MAP10: variants seen among roughly 807,000 people sequenced by gnomAD.
The protein encoded by MAP10 is microtubule-associated protein 10.
A neutral mutation model predicts 6.3 loss-of-function variants in MAP10; 10 were observed. The observed-to-expected ratio is 1.58, with a 90% CI of 0.98 to 2.69. The LOEUF (loss-of-function observed/expected upper bound fraction) is 2.69. Among genes scored for constraint, MAP10 ranks in the 30% most tolerant of loss-of-function variants. The probability of loss-of-function intolerance (pLI) is 0.00; values close to 1 mark genes in which losing one functional copy is unlikely to be tolerated. For missense variants in MAP10, 1,189 were observed against 1,086.5 expected (o/e 1.09, Z -1.33); for synonymous variants, 459 against 429.3 (o/e 1.07, Z -0.86).
chr1:232,806,291 A>G lies in MAP10; in HGVS notation c.842A>G (p.Asn281Ser), dbSNP rs1165836742. The G allele has an allele frequency of 1.9e-6, 3 of 1,613,988 alleles. No homozygotes were observed. The highest frequency in any genetic ancestry group is 1.7e-5 in the Admixed American group (1 of 60,030). The part of the protein sequence containing the change: ...VTCSGAGNGR[N>S]VSSLNEEVTE... ...TGTTCAGGTGCTGGCAATGGGAGAA[A>G]TGTTAGCTCCCTAAATGAGGAAGTC... Residue 281 changes from asparagine to serine, a missense_variant, in exon 1 of 1, where the codon AAT becomes AGT. Coordinates refer to ENST00000418460, the MANE Select transcript of MAP10 (RefSeq NM_019090.3).
Position 232,809,293 on chromosome 1 carries a change from G to A in MAP10, c.*1126G>A, listed in dbSNP as rs16858236. Among the ~76,000 whole-genome samples, 14,180 of 151,784 alleles carry A rather than the reference G, an allele frequency of 0.093. 1,034 individuals carry two copies. Among genetic ancestry groups the A allele is most frequent in the African/African-American group, 0.2 (8,296 of 41,416 alleles). On this transcript the variant is annotated 3_prime_UTR_variant, in exon 1 of 1. Coordinates refer to ENST00000418460, the MANE Select transcript of MAP10 (RefSeq NM_019090.3). Reference sequence around the variant, plus strand: ...TTTTAGACTTTTTAATATATCTAACGTTTTTGAATGTATGAAGTGAGGTTC... The same window carrying A: ...TTTTAGACTTTTTAATATATCTAACATTTTTGAATGTATGAAGTGAGGTTC...
Position 232,806,393 on chromosome 1 carries a change from C to T in MAP10, c.944C>T (p.Pro315Leu), listed in dbSNP as rs371993579. The T allele has an allele frequency of 7.4e-6, 12 of 1,613,720 alleles. No individual in the cohort carries two copies. In the African/African-American group the frequency reaches 1.3e-4, roughly 18 times the overall value. The change falls in exon 1 of 1, where the codon CCC becomes CTC. Residue 315 changes from proline (P) to leucine (L), a missense_variant. By Grantham distance (98) the Pro-to-Leu change is moderately conservative. Coordinates refer to ENST00000418460, the MANE Select transcript of MAP10 (RefSeq NM_019090.3). ...ACTAACTTGACCCAAGAAAAACCGC[C>T]CCCTGCACAGGCTAAAATCACCATT... The part of the protein sequence containing the change: ...YYTNLTQEKP[P>L]PAQAKITIEP...
chr1:232,807,833 C>T lies in MAP10; in HGVS notation c.2384C>T (p.Ser795Phe), dbSNP rs1391300555. The stretch of plus-strand genomic sequence containing the variant: ...AGTTTGGAGGAAGCATCTAGTATCT[C>T]TGCTAGTGATTTATCTTCAACACAT... ...DKSLEEASSI[S>F]ASDLSSTHWT... Residue 795 changes from serine (S) to phenylalanine (F), a missense_variant, in exon 1 of 1, where the codon TCT (serine) becomes TTT (phenylalanine). Transcript: ENST00000418460. The T allele has an allele frequency of 1.9e-6, 3 of 1,613,456 alleles. No homozygotes were observed. The highest frequency in any genetic ancestry group is 2.5e-6 in the Non-Finnish European group (3 of 1,179,658).
In MAP10 at chr1:232,808,370, ATTGT is replaced by A. The variant is rs1035699089; in HGVS notation, c.*206_*209del. The A allele has an allele frequency of 4.6e-6, 2 of 432,416 alleles. No individual in the cohort carries two copies. Among genetic ancestry groups the A allele is most frequent in the Non-Finnish European group, 8.4e-6 (2 of 237,320 alleles). The allele number at this position is 432,416 out of a possible 1,614,324, so 26.8% of individuals were successfully genotyped here. A position where few individuals can be genotyped will look rare whatever the true frequency, so the allele number is the denominator to read the frequency against. On this transcript the variant is annotated 3_prime_UTR_variant, in exon 1 of 1. Coordinates refer to ENST00000418460, the MANE Select transcript of MAP10 (RefSeq NM_019090.3). Reference sequence around the variant, plus strand: ...ATCATATAAACAGATTTCTTTTTAAATTGTTTAATCATAAGAATAAAAGTGTGTC... The same window carrying A: ...ATCATATAAACAGATTTCTTTTTAAATTAATCATAAGAATAAAAGTGTGTC...
rs1373897239 is a variant in MAP10, at chr1:232,807,583, G to C, written c.2134G>C (p.Asp712His). Residue 712 changes from aspartate to histidine, a missense_variant, in exon 1 of 1, where the codon GAT (aspartate) becomes CAT (histidine). By Grantham distance (81) the Asp-to-His change is moderately conservative. Transcript: ENST00000418460. ...DDLSSPCYSEDFCTSEDTSRS... is the reference protein window; with the variant it reads ...DDLSSPCYSEHFCTSEDTSRS... Reference sequence around the variant, plus strand: ...TTTGTCTAGCCCTTGCTATTCTGAAGATTTCTGTACCAGTGAGGACACCAG... The same window carrying C: ...TTTGTCTAGCCCTTGCTATTCTGAACATTTCTGTACCAGTGAGGACACCAG... 1 of 1,610,966 alleles carries C rather than the reference G, an allele frequency of 6.2e-7. No individual in the cohort carries two copies. The highest frequency in any genetic ancestry group is 8.5e-7 in the Non-Finnish European group (1 of 1,178,294).
chr1:232,807,801 G>T lies in MAP10; in HGVS notation c.2352G>T (p.Gln784His). ...GAAAATTTCATATTTCAAAGACTCA[G>T]GATAAAAGTTTGGAGGAAGCATCTA... Reference protein sequence around the residue: ...SYRKFHISKTQDKSLEEASSI... With the variant: ...SYRKFHISKTHDKSLEEASSI... The change falls in exon 1 of 1, where the codon CAG (glutamine) becomes CAT (histidine). Residue 784 changes from glutamine to histidine, a missense_variant. Gln to His is a conservative substitution (Grantham distance 24, BLOSUM62 0). Coordinates refer to ENST00000418460, the MANE Select transcript of MAP10 (RefSeq NM_019090.3). 1 of 1,613,270 alleles carries T rather than the reference G, an allele frequency of 6.2e-7. No homozygotes were observed.
rs1666135118 is a variant in MAP10, at chr1:232,807,786, T to C, written c.2337T>C (p.His779=). The change falls in exon 1 of 1, where the codon CAT becomes CAC. Residue 779 remains histidine (H), a synonymous_variant. Transcript: ENST00000418460. The stretch of plus-strand genomic sequence containing the variant: ...CTGTACACTCATACAGAAAATTTCA[T>C]ATTTCAAAGACTCAGGATAAAAGTT... ...GSPVHSYRKF[H]ISKTQDKSLE... 6.2e-7 allele frequency: 1 copy of C among 1,613,322 alleles called. No individual in the cohort carries two copies. The highest frequency in any genetic ancestry group is 8.5e-7 in the Non-Finnish European group (1 of 1,179,682).
chr1:232,807,341 C>A lies in MAP10; in HGVS notation c.1892C>A (p.Thr631Asn), dbSNP rs754776874. 3.1e-6 allele frequency: 5 copies of A among 1,613,824 alleles called. No individual in the cohort carries two copies. In the East Asian group the frequency reaches 1.1e-4, roughly 36 times the overall value. Residue 631 changes from threonine (T) to asparagine (N), a missense_variant, in exon 1 of 1, where the codon ACC (threonine) becomes AAC (asparagine). Thr to Asn is a moderately conservative substitution (Grantham distance 65). Coordinates refer to ENST00000418460, the MANE Select transcript of MAP10 (RefSeq NM_019090.3). ...PANSIIPERL[T>N]PTNILGGNVE... ...AATTCCATTATTCCAGAAAGGCTTA[C>A]CCCTACAAATATTCTGGGAGGAAAT...
the MAP10 span, chr1:232,806,052 AG>A: frequency 6.2e-7 from 1 of 1,614,020 alleles, no homozygotes; most frequent in African/African-American, 1.3e-5. Flanking sequence ...TCACCCGCAC[AG>A]GAGGAGGAGC....
At chr1:232,808,117 A>T in the MAP10 span, 1 of 1,588,024 alleles carries the variant, frequency 6.3e-7, no homozygotes, top group Non-Finnish European at 8.6e-7. Flanking sequence ...CAAGCAATGC[A>T]AAGATATTTG....
chr1:232,807,191 G>A lies in MAP10; in HGVS notation c.1742G>A (p.Gly581Glu). The stretch of plus-strand genomic sequence containing the variant: ...AGTGATACCTCAAGACAAATCAGTG[G>A]AGTTTTTGATGAGCCCAGCACAAGT... ...ENSDTSRQIS[G>E]VFDEPSTSKE... Residue 581 changes from glycine (G) to glutamate (E), a missense_variant, in exon 1 of 1, where the codon GGA becomes GAA. Transcript: ENST00000418460. The A allele has an allele frequency of 1.2e-6, 2 of 1,613,560 alleles. No individual in the cohort carries two copies. Among genetic ancestry groups the A allele is most frequent in the Non-Finnish European group, 1.7e-6 (2 of 1,179,696 alleles).
rs367608495 is a variant in MAP10 at position 232,807,561 on chromosome 1, G to A, written c.2112G>A (p.Leu704=). The A allele has an allele frequency of 1.9e-6, 3 of 1,612,460 alleles. No individual in the cohort carries two copies. Among genetic ancestry groups the A allele is most frequent in the South Asian group, 1.1e-5 (1 of 90,886 alleles). The change falls in exon 1 of 1, where the codon TTG becomes TTA. Residue 704 remains leucine (L), a synonymous_variant. Coordinates refer to ENST00000418460, the MANE Select transcript of MAP10 (RefSeq NM_019090.3). ...NISELKYSDD[L]SSPCYSEDFC... ...CAGAACTGAAGTATTCAGATGATTT[G>A]TCTAGCCCTTGCTATTCTGAAGATT...
the MAP10 span, chr1:232,807,874 GAA>G: frequency 1.2e-6 from 2 of 1,613,424 alleles, no homozygotes; most frequent in Non-Finnish European, 1.7e-6. Context: ...TGAACAAAAA[GAA>G]AACCAGATAG....
In MAP10 at chr1:232,808,915, T is replaced by A. The variant is rs923777662; in HGVS notation, c.*748T>A. Among the ~76,000 whole-genome samples, 3 of 152,070 alleles carry A rather than the reference T, an allele frequency of 2.0e-5. No individual in the cohort carries two copies. Among genetic ancestry groups the A allele is most frequent in the Non-Finnish European group, 4.4e-5 (3 of 67,944 alleles). ...CATTTAAAATACCTAATGGGAGGGTTTAGAATTAAGCAGCAAAAATAAGCA... is the reference window on the plus strand; with the variant it reads ...CATTTAAAATACCTAATGGGAGGGTATAGAATTAAGCAGCAAAAATAAGCA... On this transcript the variant is annotated 3_prime_UTR_variant, in exon 1 of 1. Coordinates refer to ENST00000418460, the MANE Select transcript of MAP10 (RefSeq NM_019090.3).
chr1:232,809,547 G>A lies in MAP10; in HGVS notation c.*1380G>A, dbSNP rs980908460. ...GAGTGGTAGAAAGGACATTTGTTGA[G>A]TAAGGAAAATGCCAGATTACAGAGA... On this transcript the variant is annotated 3_prime_UTR_variant, in exon 1 of 1. Transcript: ENST00000418460. Among the ~76,000 whole-genome samples the A allele has an allele frequency of 2.0e-5, 3 of 152,008 alleles. No homozygotes were observed. Among genetic ancestry groups the A allele is most frequent in the Non-Finnish European group, 4.4e-5 (3 of 67,890 alleles).
In MAP10 at chr1:232,807,366, T is replaced by A; in HGVS notation, c.1917T>A (p.Asn639Lys). 1 of 1,613,884 alleles carries A rather than the reference T, an allele frequency of 6.2e-7. No homozygotes were observed. Among genetic ancestry groups the A allele is most frequent in the Non-Finnish European group, 8.5e-7 (1 of 1,179,820 alleles). The change falls in exon 1 of 1, where the codon AAT becomes AAA. Residue 639 changes from asparagine to lysine, a missense_variant. Transcript: ENST00000418460. ...RLTPTNILGGNVEMKIQSPCV... is the reference protein window; with the variant it reads ...RLTPTNILGGKVEMKIQSPCV... ...CCCCTACAAATATTCTGGGAGGAAA[T>A]GTGGAAATGAAAATCCAAAGTCCAT... is the stretch of plus-strand genomic sequence containing the variant.
rs183581287 is a variant in MAP10, at chr1:232,808,846, C to G, written c.*679C>G. On this transcript the variant is annotated 3_prime_UTR_variant, in exon 1 of 1. Transcript: ENST00000418460. ...ATCTAGCACAATTCCTGGCATGTGGCTGCAGTGCAATAAAAACATTTGTTG... is the reference window on the plus strand; with the variant it reads ...ATCTAGCACAATTCCTGGCATGTGGGTGCAGTGCAATAAAAACATTTGTTG... Among the ~76,000 whole-genome samples the G allele has an allele frequency of 1.3e-5, 2 of 152,168 alleles. No homozygotes were observed. The highest frequency in any genetic ancestry group is 3.9e-4 in the East Asian group (2 of 5,182).
Position 232,805,933 on chromosome 1 carries a change from T to G in MAP10, c.484T>G (p.Phe162Val), listed in dbSNP as rs1321690514. The G allele has an allele frequency of 3.1e-6, 5 of 1,611,802 alleles. No individual in the cohort carries two copies. The highest frequency in any genetic ancestry group is 4.2e-6 in the Non-Finnish European group (5 of 1,179,384). The change falls in exon 1 of 1, where the codon TTC becomes GTC. Residue 162 changes from phenylalanine to valine, a missense_variant. Physicochemically the swap from Phe to Val is conservative, Grantham distance 50 (BLOSUM62 -1). Transcript: ENST00000418460. ...SGCSHRHRGR[F>V]PLHNRVGERT... ...ATGCTCCCACCGTCACCGGGGACGT[T>G]TCCCCCTGCATAATCGAGTGGGCGA...
At position 232,807,033 on chromosome 1, in the gene MAP10, A is replaced by G. The variant is rs1666117935; in HGVS notation, c.1584A>G (p.Gln528=). The G allele has an allele frequency of 6.2e-7, 1 of 1,613,158 alleles. No homozygotes were observed. The stretch of plus-strand genomic sequence containing the variant: ...AAAGAGAACTATATAGAAAAAGACA[A>G]TCACAAATGTTGGGTACAAAATTCA... ...HEKRELYRKR[Q]SQMLGTKFRI... The change falls in exon 1 of 1, where the codon CAA becomes CAG. Residue 528 remains glutamine, a synonymous_variant. Transcript: ENST00000418460.
Sources: gnomAD v4.1 joint callset for allele counts (sites outside exome capture counted in the v4.1 genomes callset) on GRCh38, gnomAD v4.1.1 for gene constraint, MANE v1.5 for transcripts, NCBI Gene and HGNC (gene_info 2026-07-23, HGNC 2026-07-21) for gene names.